Variants in THSD7A observed in about 807,000 individuals in gnomAD.
The protein encoded by THSD7A is thrombospondin type 1 domain containing 7A, also known as thrombospondin type-1 domain-containing protein 7A.
THSD7A carries 96 observed loss-of-function variants against 231.3 expected under a neutral mutation model. The observed-to-expected ratio is 0.41, with a 90% confidence interval of 0.35 to 0.49. The LOEUF is 0.49. Among genes scored for constraint, THSD7A ranks in the 20% least tolerant of loss-of-function variants. The probability of loss-of-function intolerance (pLI) is 0.05; values close to 1 mark genes in which losing one functional copy is unlikely to be tolerated. For synonymous variants in THSD7A, 940 were observed against 743.3 expected (o/e 1.26, Z -4.30); for missense variants, 2,290 against 2,070.2 (o/e 1.11, Z -2.06).
rs1166852549 is a variant in THSD7A at position 11,444,445 on chromosome 7, A to G, written c.3064+1616T>C. On this transcript the variant is annotated intron_variant, in intron 13 of 27. Coordinates refer to ENST00000423059, the MANE Select transcript of THSD7A (RefSeq NM_015204.3). The surrounding 1 kb of genome is among the most constrained non-coding windows in gnomAD (Gnocchi z 4.2). Reference sequence around the variant, plus strand: ...ACTGGATAAAGAAAATGTGGCACATATACATCATAAAATGGATGAAGCTGG... The same window carrying G: ...ACTGGATAAAGAAAATGTGGCACATGTACATCATAAAATGGATGAAGCTGG... 6.6e-6 allele frequency among the ~76,000 whole-genome samples: 1 copy of G among 152,104 alleles called. No homozygotes were observed. The highest frequency in any genetic ancestry group is 1.9e-4 in the East Asian group (1 of 5,160).
chr7:11,650,720 A>G (rs577438794), intron 1 of THSD7A, among the ~76,000 whole-genome samples: 2 of 152,186 alleles, frequency 1.3e-5, no homozygotes, highest in African/African-American at 4.8e-5. Context: ...TGGAAGCCAC[A>G]AGAGTGAGCG....
chr7:11,564,005 G>A (rs1790191566), intron 4 of THSD7A, among the ~76,000 whole-genome samples: 1 of 152,070 alleles, frequency 6.6e-6, no homozygotes, highest in African/African-American at 2.4e-5. Flanking sequence ...CACTGTCTTT[G>A]GAATTAGAAC....
rs1404489838 is a variant in THSD7A at position 11,800,885 on chromosome 7, T to C, written c.190+30872A>G. On this transcript the variant is annotated intron_variant, in intron 1 of 27. Transcript: ENST00000423059. ...GGATAGATCTCATGTTAAGTGTTCT[T>C]ACAACACACACATACACACACACAC... Among the ~76,000 whole-genome samples, 5 of 152,266 alleles carry C rather than the reference T, an allele frequency of 3.3e-5. No homozygotes were observed. The East Asian group carries it at 5.8e-4, about 18-fold the overall frequency.
chr7:11,524,011 T>G (rs577118063), intron 6 of THSD7A, among the ~76,000 whole-genome samples: 1 of 152,208 alleles, frequency 6.6e-6, no homozygotes, highest in Non-Finnish European at 1.5e-5. Context: ...TACTTTTCTA[T>G]GTAAAAGTTT....
chr7:11,762,679 T>G (rs1440931424), intron 1 of THSD7A, among the ~76,000 whole-genome samples: 4 of 152,200 alleles, frequency 2.6e-5, no homozygotes, highest in Non-Finnish European at 5.9e-5. Context: ...TCTCCCATTC[T>G]GGAAGTTGTC....
chr7:11,404,381 C>T (rs539329242), intron 22 of THSD7A, among the ~76,000 whole-genome samples: 13 of 152,256 alleles, frequency 8.5e-5, no homozygotes, highest in Admixed American at 2.6e-4. Flanking sequence ...CAAGGATGCC[C>T]GTTCTGCTCA....
At chr7:11,807,667 T>C (rs1784432537) in intron 1 of THSD7A, among the ~76,000 whole-genome samples, 1 of 152,126 alleles carries the variant, frequency 6.6e-6, no homozygotes, top group Admixed American at 6.6e-5. Flanking sequence ...ATAGCACTAA[T>C]TAATGGCTGA....
chr7:11,750,123 A>G (rs571586497), intron 1 of THSD7A, among the ~76,000 whole-genome samples: 27 of 151,444 alleles, frequency 1.8e-4, no homozygotes, highest in African/African-American at 6.5e-4. Context: ...ACAATTCTGT[A>G]TGCCATTTTA....
At chr7:11,545,793 C>A (rs1789355613) in intron 4 of THSD7A, among the ~76,000 whole-genome samples, 1 of 152,188 alleles carries the variant, frequency 6.6e-6, no homozygotes, top group Non-Finnish European at 1.5e-5. Flanking sequence ...TGTGCAGAAT[C>A]CAGAGCGTTT....
chr7:11,508,999 G>C (rs1363454076), intron 6 of THSD7A, among the ~76,000 whole-genome samples: 2 of 152,100 alleles, frequency 1.3e-5, no homozygotes, highest in African/African-American at 4.8e-5. Context: ...ATAAACTCTA[G>C]AGATCTTCTA....
At chr7:11,499,869 G>A (rs1433738696) in intron 6 of THSD7A, among the ~76,000 whole-genome samples, 8 of 152,264 alleles carry the variant, frequency 5.3e-5, no homozygotes, top group Admixed American at 2.0e-4. Context: ...GGGAGGGGGA[G>A]AAAACAAACA....
At chr7:11,681,634 TC>T (rs1783874361) in intron 1 of THSD7A, among the ~76,000 whole-genome samples, 1 of 151,870 alleles carries the variant, frequency 6.6e-6, no homozygotes, top group African/African-American at 2.4e-5. Flanking sequence ...AACCTACGAC[TC>T]ACTGACATTC....
At chr7:11,821,179 C>G in intron 1 of THSD7A, 2 of 1,153,066 alleles carry the variant, frequency 1.7e-6, no homozygotes, top group Non-Finnish European at 2.6e-6. Context: ...TCCTGAGGAC[C>G]CAAAGTGATG....
chr7:11,597,096 T>C (rs1310215687), intron 2 of THSD7A, among the ~76,000 whole-genome samples: 6 of 152,226 alleles, frequency 3.9e-5, no homozygotes, highest in East Asian at 1.9e-4. Context: ...TGAGATCTAG[T>C]TCTAGAAGTA....
At chr7:11,541,083 T>A (rs903053811) in intron 6 of THSD7A, among the ~76,000 whole-genome samples, 2 of 152,208 alleles carry the variant, frequency 1.3e-5, no homozygotes, top group African/African-American at 4.8e-5. Flanking sequence ...TAGACTTTTT[T>A]AAAAAAGTCA....
intron 1 of THSD7A, among the ~76,000 whole-genome samples, chr7:11,695,621 A>G (rs181089209): frequency 6.6e-6 from 1 of 151,658 alleles, no homozygotes; most frequent in East Asian, 2.0e-4. Flanking sequence ...AAACTGTCAA[A>G]TGAGAAAAGA....
At chr7:11,726,134 T>C (rs574504985) in intron 1 of THSD7A, among the ~76,000 whole-genome samples, 1 of 152,116 alleles carries the variant, frequency 6.6e-6, no homozygotes, top group East Asian at 1.9e-4. Context: ...TAAAAGGAGT[T>C]TGATGTATGC....
At chr7:11,481,003 C>T (rs1196193609) in intron 7 of THSD7A, among the ~76,000 whole-genome samples, 1 of 152,108 alleles carries the variant, frequency 6.6e-6, no homozygotes, top group Admixed American at 6.6e-5. Context: ...TTAATATGAA[C>T]AAACTTGATT....
chr7:11,706,630 C>CTTTTTTTTTTTTT (rs66964252), intron 1 of THSD7A, among the ~76,000 whole-genome samples: 4 of 66,420 alleles, frequency 6.0e-5, no homozygotes, highest in Non-Finnish European at 8.1e-5. Flanking sequence ...TAACAAGGTG[C>CTTTTTTTTTTTTT]TTTTTTTTTT....
Sources: gnomAD v4.1 joint callset for allele counts (sites outside exome capture counted in the v4.1 genomes callset) on GRCh38, gnomAD v4.1.1 for gene constraint, Gnocchi (gnomAD v3.1) non-coding constraint, MANE v1.5 for transcripts, NCBI Gene and HGNC (gene_info 2026-07-23, HGNC 2026-07-21) for gene names.